Variants in PXN observed in about 807,000 individuals in gnomAD.
The protein encoded by PXN is paxillin, also known as testicular tissue protein Li 134.
Under a neutral mutation model 103.6 loss-of-function variants are expected in PXN, and 61 were observed. That is an observed-to-expected ratio of 0.59 (90% CI 0.48 to 0.73). The LOEUF (loss-of-function observed/expected upper bound fraction) is 0.73, where lower values mean the gene tolerates loss of function less well. Among genes scored for constraint, PXN ranks in the 30% least tolerant of loss-of-function variants. The pLI, the probability that PXN is intolerant of heterozygous loss-of-function variation, is 0.00. For synonymous variants in PXN, 562 were observed against 607.8 expected (o/e 0.92, Z 1.11); for missense variants, 1,274 against 1,460.3 (o/e 0.87, Z 2.08).
In PXN at chr12:120,215,640, C is replaced by A; in HGVS notation, c.2323G>T (p.Ala775Ser). The change falls in exon 10 of 15, where the codon GCG becomes TCG. Residue 775 changes from alanine to serine, a missense_variant. By Grantham distance (99) the Ala-to-Ser change is moderately conservative (BLOSUM62 1). Around this residue, in one of 2 missense-constraint regions of PXN, gnomAD observed 1,178 missense variants for 1,309.0 expected, o/e 0.90. Transcript: ENST00000637617. The surrounding 1 kb of genome is among the most constrained non-coding windows in gnomAD (Gnocchi z 4.9). ...PMQIQGLEQR[A>S]DGERCWAAGW... ...GCCGCCCAGCACCGCTCCCCATCCG[C>A]TCTTTGCTCCAGGCCCTGGATCTTA... The A allele has an allele frequency of 6.2e-7, 1 of 1,611,914 alleles. No individual in the cohort carries two copies. Among genetic ancestry groups the A allele is most frequent in the Non-Finnish European group, 8.5e-7 (1 of 1,179,192 alleles).
intron 1 of PXN, among the ~76,000 whole-genome samples, chr12:120,245,747 G>A (rs1344825851): frequency 1.5e-5 from 2 of 137,038 alleles, no homozygotes; most frequent in Non-Finnish European, 3.0e-5. Flanking sequence ...GAGATCGCAC[G>A]ACTGCACTCC....
At chr12:120,246,005 G>A (rs372567078) in intron 1 of PXN, among the ~76,000 whole-genome samples, 23 of 152,152 alleles carry the variant, frequency 1.5e-4, no homozygotes, top group African/African-American at 4.8e-4. Context: ...ACCACAGAGT[G>A]ACCACTAAAA....
chr12:120,227,577 G>A (rs764623592), intron 1 of PXN, among the ~76,000 whole-genome samples: 2 of 152,246 alleles, frequency 1.3e-5, no homozygotes, highest in Non-Finnish European at 1.5e-5. Context: ...CCAAAGTTTT[G>A]TCTATTTGAG....
intron 1 of PXN, among the ~76,000 whole-genome samples, chr12:120,254,738 A>G (rs1479315458): frequency 2.0e-5 from 3 of 152,040 alleles, no homozygotes; most frequent in African/African-American, 7.2e-5. Context: ...TTTAGTAGAG[A>G]CGGGGTTTCA....
At chr12:120,253,941 C>T (rs1295128770) in intron 1 of PXN, among the ~76,000 whole-genome samples, 1 of 152,058 alleles carries the variant, frequency 6.6e-6, no homozygotes, top group Non-Finnish European at 1.5e-5. Flanking sequence ...AGTGCAGTGG[C>T]GTGATCTTGG....
Position 120,215,159 on chromosome 12 carries a change from C to A in PXN, c.2518G>T (p.Val840Phe). 6.4e-7 allele frequency: 1 copy of A among 1,572,738 alleles called. No homozygotes were observed. ...SLQSDLNKLG[V>F]ATVAKGVCGA... The stretch of plus-strand genomic sequence containing the variant: ...CAGACTCCTTTGGCGACTGTGGCGA[C>A]CCCCAGCTTGTTCAGGTCAGACTGC... Residue 840 changes from valine to phenylalanine, a missense_variant, in exon 11 of 15, where the codon GTC (valine) becomes TTC (phenylalanine). Physicochemically the swap from Val to Phe is conservative, Grantham distance 50. Transcript: ENST00000637617. This position sits in a 1 kb window ranked among gnomAD's most constrained non-coding sequence, Gnocchi z 4.9.
rs1274569296 is a variant in PXN, at chr12:120,225,339, C to G, written c.14-962G>C. ...CTGCCCCGTTCACAACTTGCTTGCT[C>G]TCAGCTCCCCGGTAACCTGCTGGGT... On this transcript the variant is annotated intron_variant, in intron 1 of 14. Coordinates refer to ENST00000637617, the MANE Select transcript of PXN (RefSeq NM_001385981.1). This position sits in a 1 kb window ranked among gnomAD's most constrained non-coding sequence, Gnocchi z 4.4. The G allele has an allele frequency of 6.5e-6, 1 of 153,156 alleles. No homozygotes were observed. The highest frequency in any genetic ancestry group is 1.5e-5 in the Non-Finnish European group (1 of 68,678). 9.5% of individuals were successfully genotyped at this position (153,156 alleles called of 1,614,324 possible). A position where few individuals can be genotyped will look rare whatever the true frequency, so the allele number is the denominator to read the frequency against.
At chr12:120,244,045 T>C (rs974322594) in intron 1 of PXN, among the ~76,000 whole-genome samples, 3 of 151,664 alleles carry the variant, frequency 2.0e-5, no homozygotes, top group Non-Finnish European at 4.4e-5. Flanking sequence ...CTTCAGCTCA[T>C]GCCACCTCCT....
At position 120,215,312 on chromosome 12, in the gene PXN, T is replaced by C. The variant is rs1041907530; in HGVS notation, c.2404-39A>G. 1.3e-6 allele frequency: 2 copies of C among 1,556,058 alleles called. No homozygotes were observed. Among genetic ancestry groups the C allele is most frequent in the Admixed American group, 1.9e-5 (1 of 52,248 alleles). ...GGGGGCTGGTCAGGACTCCTGAGGC[T>C]CGGGGTACGGTGTCTGGCAGCACAG... On this transcript the variant is annotated intron_variant, in intron 10 of 14. Transcript: ENST00000637617. This position sits in a 1 kb window ranked among gnomAD's most constrained non-coding sequence, Gnocchi z 4.9.
Position 120,222,990 on chromosome 12 carries a change from G to A in PXN, c.366C>T (p.Asn122=). The A allele has an allele frequency of 6.2e-7, 1 of 1,613,974 alleles. No homozygotes were observed. The highest frequency in any genetic ancestry group is 1.3e-5 in the African/African-American group (1 of 75,044). Residue 122 remains asparagine (N), a synonymous_variant, in exon 4 of 15, where the codon AAC becomes AAT. Transcript: ENST00000637617. The surrounding 1 kb of genome is among the most constrained non-coding windows in gnomAD (Gnocchi z 4.7). ...GEEEHVYSFP[N]KQKSAEPSPT... ...GTGAAGGCTCAGCTGATTTCTGCTTGTTGGGGAAGCTTTGAGAGGCAAAGG... is the reference window on the plus strand; with the variant it reads ...GTGAAGGCTCAGCTGATTTCTGCTTATTGGGGAAGCTTTGAGAGGCAAAGG...
intron 1 of PXN, among the ~76,000 whole-genome samples, chr12:120,256,590 G>A (rs1026427581): frequency 2.0e-5 from 3 of 152,072 alleles, no homozygotes; most frequent in African/African-American, 7.2e-5. Flanking sequence ...GGAGTAAAGC[G>A]TGAGCAAATA....
In PXN at chr12:120,222,028, A is replaced by G. The variant is rs1594392267; in HGVS notation, c.696-270T>C. On this transcript the variant is annotated intron_variant, in intron 5 of 14. Coordinates refer to ENST00000637617, the MANE Select transcript of PXN (RefSeq NM_001385981.1). The surrounding 1 kb of genome is among the most constrained non-coding windows in gnomAD (Gnocchi z 4.7). Reference sequence around the variant, plus strand: ...AGCCCAAGCGCCCTGTGTTTCCTCCACAACACTGGACATGGAGGTGAGGCT... The same window carrying G: ...AGCCCAAGCGCCCTGTGTTTCCTCCGCAACACTGGACATGGAGGTGAGGCT... Among the ~76,000 whole-genome samples, 1 of 152,314 alleles carries G rather than the reference A, an allele frequency of 6.6e-6. No individual in the cohort carries two copies. Among genetic ancestry groups the G allele is most frequent in the Middle Eastern group, 3.4e-3 (1 of 294 alleles).
intron 3 of PXN, among the ~76,000 whole-genome samples, chr12:120,223,228 G>A (rs539536295): frequency 9.9e-5 from 15 of 152,098 alleles, no homozygotes; most frequent in Admixed American, 3.3e-4. Context: ...CAGATCATGA[G>A]GTCAGGAGAT....
intron 7 of PXN, among the ~76,000 whole-genome samples, chr12:120,218,475 G>A (rs946582350): frequency 6.6e-6 from 1 of 152,190 alleles, no homozygotes; most frequent in Non-Finnish European, 1.5e-5. Flanking sequence ...CTGGGTTCAA[G>A]TGATTCTCCT....
At chr12:120,237,430 T>C (rs1889304164) in intron 1 of PXN, among the ~76,000 whole-genome samples, 1 of 152,012 alleles carries the variant, frequency 6.6e-6, no homozygotes, top group African/African-American at 2.4e-5. Context: ...CTGAAGTGGG[T>C]TCAAGATGAC....
At position 120,225,580 on chromosome 12, in the gene PXN, G is replaced by C. The variant is rs1472205821; in HGVS notation, c.14-1203C>G. ...CGGGCTTGGAGAGGCAGAGGTCAGAGGTGTTTGCTCCAAATAACAAAGCCA... is the reference window on the plus strand; with the variant it reads ...CGGGCTTGGAGAGGCAGAGGTCAGACGTGTTTGCTCCAAATAACAAAGCCA... On this transcript the variant is annotated intron_variant, in intron 1 of 14. Coordinates refer to ENST00000637617, the MANE Select transcript of PXN (RefSeq NM_001385981.1). This position sits in a 1 kb window ranked among gnomAD's most constrained non-coding sequence, Gnocchi z 4.4. 2.0e-5 allele frequency among the ~76,000 whole-genome samples: 3 copies of C among 152,166 alleles called. No homozygotes were observed. Among genetic ancestry groups the C allele is most frequent in the Non-Finnish European group, 4.4e-5 (3 of 68,026 alleles).
intron 1 of PXN, among the ~76,000 whole-genome samples, chr12:120,263,765 C>G (rs1295183231): frequency 1.3e-5 from 2 of 152,242 alleles, no homozygotes; most frequent in Admixed American, 6.5e-5. Flanking sequence ...ATACAGTACT[C>G]TCTTTCCTTT....
chr12:120,243,511 A>C (rs1890516372), intron 1 of PXN, among the ~76,000 whole-genome samples: 1 of 152,166 alleles, frequency 6.6e-6, no homozygotes, highest in South Asian at 2.1e-4. Flanking sequence ...GCAACACAGC[A>C]AGACCCTGTC....
chr12:120,238,963 C>T (rs2136484463), intron 1 of PXN, among the ~76,000 whole-genome samples: 1 of 152,324 alleles, frequency 6.6e-6, no homozygotes, highest in South Asian at 2.1e-4. Flanking sequence ...TACTGTACTG[C>T]AACACAGGGA....
Sources: gnomAD v4.1 joint callset for allele counts (sites outside exome capture counted in the v4.1 genomes callset) on GRCh38, gnomAD v4.1.1 for gene constraint, gnomAD v4.1.1 regional missense constraint, Gnocchi (gnomAD v3.1) non-coding constraint, MANE v1.5 for transcripts, NCBI Gene and HGNC (gene_info 2026-07-23, HGNC 2026-07-21) for gene names.